The following CCDC62 variants were observed in gnomAD, a reference collection of about 807,000 sequenced individuals.
CCDC62 encodes coiled-coil domain-containing protein 62.
A neutral mutation model predicts 80.8 loss-of-function variants in CCDC62; 72 were observed. The ratio of observed to expected loss-of-function variants is 0.89; its 90% CI spans 0.74 to 1.08. The LOEUF is 1.08. Ranked by LOEUF, CCDC62 falls within the 50% of genes least tolerant of loss-of-function variation. The pLI is 0.00. For synonymous variants in CCDC62, 286 were observed against 296.5 expected (o/e 0.96, Z 0.36); for missense variants, 704 against 809.4 (o/e 0.87, Z 1.58).
At chr12:122,779,940 G>A (rs1461364181) in intron 2 of CCDC62, among the ~76,000 whole-genome samples, 6 of 140,484 alleles carry the variant, frequency 4.3e-5, no homozygotes, top group African/African-American at 1.6e-4. Flanking sequence ...AAAGATGCAT[G>A]TAAAAGAATA....
rs376401499 is a variant in CCDC62, at chr12:122,807,364, T to G, written c.1851+1069T>G. 1.3e-4 allele frequency among the ~76,000 whole-genome samples: 20 copies of G among 151,870 alleles called. 1 individual carries two copies. In the East Asian group the frequency reaches 3.5e-3, roughly 27 times the overall value. On this transcript the variant is annotated intron_variant, in intron 10 of 12. Coordinates refer to ENST00000253079, the MANE Select transcript of CCDC62 (RefSeq NM_201435.5). ...CTGACCAACATGGTGAAACCCCATCTCTACTAAAATAAAAAAATTAGCCAG... is the reference window on the plus strand; with the variant it reads ...CTGACCAACATGGTGAAACCCCATCGCTACTAAAATAAAAAAATTAGCCAG...
At chr12:122,792,381 C>T (rs201031220) in intron 6 of CCDC62, among the ~76,000 whole-genome samples, 5 of 151,790 alleles carry the variant, frequency 3.3e-5, no homozygotes, top group Admixed American at 6.6e-5. Flanking sequence ...CCACCACGCC[C>T]GGCTAAATTT....
At chr12:122,781,704 G>T (rs1332847343) in intron 3 of CCDC62, among the ~76,000 whole-genome samples, 1 of 151,582 alleles carries the variant, frequency 6.6e-6, no homozygotes, top group Non-Finnish European at 1.5e-5. Context: ...AAAGAAAAAA[G>T]AAAAATTAGA....
At chr12:122,821,216 C>T (rs962985715) in intron 11 of CCDC62, among the ~76,000 whole-genome samples, 2 of 152,178 alleles carry the variant, frequency 1.3e-5, no homozygotes, top group Non-Finnish European at 2.9e-5. Flanking sequence ...TCACTGAGGG[C>T]TCACTGGATC....
At chr12:122,820,570 A>G (rs1199837170) in intron 11 of CCDC62, among the ~76,000 whole-genome samples, 1 of 152,118 alleles carries the variant, frequency 6.6e-6, no homozygotes, top group Non-Finnish European at 1.5e-5. Flanking sequence ...GTAGCAAGGC[A>G]CGGTGGTTCA....
intron 4 of CCDC62, among the ~76,000 whole-genome samples, chr12:122,787,858 G>A (rs2030358873): frequency 6.6e-6 from 1 of 152,158 alleles, no homozygotes; most frequent in Non-Finnish European, 1.5e-5. Context: ...AAAGGAGCAA[G>A]TAGGAATCCC....
rs567633130 is a variant in CCDC62, at chr12:122,780,429, C to T, written c.230-735C>T. Among the ~76,000 whole-genome samples the T allele has an allele frequency of 2.8e-4, 43 of 150,980 alleles. No homozygotes were observed. The East Asian group carries it at 3.9e-3, about 14-fold the overall frequency. ...GAGATCAAGACCATCCTGGCTAACA[C>T]GGTGAAACCCCGTCTCTACTAAAAA... is the stretch of plus-strand genomic sequence containing the variant. On this transcript the variant is annotated intron_variant, in intron 2 of 12. Coordinates refer to ENST00000253079, the MANE Select transcript of CCDC62 (RefSeq NM_201435.5).
intron 5 of CCDC62, among the ~76,000 whole-genome samples, chr12:122,791,319 A>G (rs2030586976): frequency 6.6e-6 from 1 of 151,928 alleles, no homozygotes. Flanking sequence ...TTGTATTTTT[A>G]GTAGAGACGG....
Position 122,792,082 on chromosome 12 carries a change from C to A in CCDC62, c.733C>A (p.Gln245Lys). Residue 245 changes from glutamine (Q) to lysine (K), a missense_variant, in exon 6 of 13, where the codon CAA becomes AAA. Coordinates refer to ENST00000253079, the MANE Select transcript of CCDC62 (RefSeq NM_201435.5). ...ACGAGAAGAGATCATTCGCCTCAAG[C>A]AAGAGAAAAGTTGCCTGCACGATGA... ...EQREEIIRLK[Q>K]EKSCLHDELL... is the part of the protein sequence containing the mutation. The A allele has an allele frequency of 6.2e-7, 1 of 1,613,674 alleles. No individual in the cohort carries two copies. The highest frequency in any genetic ancestry group is 8.5e-7 in the Non-Finnish European group (1 of 1,179,828).
chr12:122,816,041 C>G (rs1461684635), intron 11 of CCDC62, among the ~76,000 whole-genome samples: 1 of 152,130 alleles, frequency 6.6e-6, no homozygotes, highest in Non-Finnish European at 1.5e-5. Context: ...AGATCCAAAA[C>G]TAGAACATTA....
chr12:122,817,614 A>G (rs1008649738), intron 11 of CCDC62, among the ~76,000 whole-genome samples: 1 of 152,110 alleles, frequency 6.6e-6, no homozygotes, highest in African/African-American at 2.4e-5. Flanking sequence ...GTGAGCCACT[A>G]TGCCTGGCCC....
In CCDC62 at chr12:122,777,681, A is replaced by G. The variant is rs1879562985; in HGVS notation, c.227A>G (p.Glu76Gly). 1 of 1,613,772 alleles carries G rather than the reference A, an allele frequency of 6.2e-7. No homozygotes were observed. Residue 76 changes from glutamate to glycine, a missense_variant and splice_region_variant, in exon 2 of 13, where the codon GAA (glutamate) becomes GGA (glycine). Coordinates refer to ENST00000253079, the MANE Select transcript of CCDC62 (RefSeq NM_201435.5). ...LTLEERCSKL[E>G]GELHKRTEII... Reference sequence around the variant, plus strand: ...CTGGAAGAACGTTGCAGCAAATTAGAAGGTCAGAAATACATTCAGGGACAA... The same window carrying G: ...CTGGAAGAACGTTGCAGCAAATTAGGAGGTCAGAAATACATTCAGGGACAA...
chr12:122,800,164 CT>C (rs59113229), intron 8 of CCDC62, among the ~76,000 whole-genome samples: 4,192 of 104,964 alleles, frequency 0.04, 54 homozygotes, highest in East Asian at 0.18. Context: ...TGCCCGGCTA[CT>C]TTTTTTTTTT....
chr12:122,786,820 C>T (rs747932004), intron 4 of CCDC62, among the ~76,000 whole-genome samples: 1 of 151,864 alleles, frequency 6.6e-6, no homozygotes, highest in African/African-American at 2.4e-5. Context: ...ATTCCCCGGG[C>T]GAGGTGGCGG....
At chr12:122,801,895 G>A in intron 9 of CCDC62, 43 bp downstream of exon 9, 1 of 1,574,394 alleles carries the variant, frequency 6.4e-7, no homozygotes, top group Non-Finnish European at 8.6e-7. Flanking sequence ...GAGCATGCAT[G>A]CCAGTATTTG....
chr12:122,780,259 C>T (rs150304720), intron 2 of CCDC62, among the ~76,000 whole-genome samples: 1,797 of 149,162 alleles, frequency 0.012, 40 homozygotes, highest in African/African-American at 0.042. Context: ...TGCAGTAAGC[C>T]GAGATCGTGC....
chr12:122,798,039 A>G, intron 7 of CCDC62, 46 bp from the exon 8 acceptor site: 1 of 945,130 alleles, frequency 1.1e-6, no homozygotes, highest in Non-Finnish European at 1.7e-6. Flanking sequence ...GGTTCAGTTT[A>G]GTTTTGTTAT....
At chr12:122,825,804 G>A (rs1227814176) in intron 12 of CCDC62, among the ~76,000 whole-genome samples, 7 of 137,106 alleles carry the variant, frequency 5.1e-5, no homozygotes, top group African/African-American at 1.8e-4. Flanking sequence ...TGGCCAACAT[G>A]GCGAAACCCC....
At chr12:122,777,930 G>T (rs994780531) in intron 2 of CCDC62, among the ~76,000 whole-genome samples, 4 of 152,140 alleles carry the variant, frequency 2.6e-5, no homozygotes, top group East Asian at 1.9e-4. Context: ...TGGGGTGAGC[G>T]CCAGTGGTGA....
Sources: allele counts gnomAD v4.1 joint callset (sites outside exome capture counted in the v4.1 genomes callset), GRCh38; gene constraint gnomAD v4.1.1; transcripts MANE v1.5; gene names NCBI Gene and HGNC (gene_info 2026-07-23, HGNC 2026-07-21).